Variants in GRIN2B observed in about 807,000 individuals in gnomAD.
GRIN2B encodes glutamate ionotropic receptor NMDA type subunit 2B, also known as glutamate receptor ionotropic, NMDA 2B.
In GRIN2B, 5 loss-of-function variants were observed where a neutral mutation model predicts 114.5. The observed-to-expected ratio is 0.04, with a 90% CI of 0.02 to 0.09. The LOEUF (loss-of-function observed/expected upper bound fraction) is 0.09, where lower values mean the gene tolerates loss of function less well. GRIN2B is among the 10% of genes least tolerant of loss of function. The pLI is 1.00. For missense variants in GRIN2B, 1,108 were observed against 1,943.5 expected, an observed-to-expected ratio of 0.57 and a Z score of 8.08; for synonymous variants, 787 against 745.1, an observed-to-expected ratio of 1.06 and a Z score of -0.92.
chr12:13,771,749 G>A (rs73053655), intron 3 of GRIN2B, among the ~76,000 whole-genome samples: 15,414 of 152,256 alleles, frequency 0.1, 1,015 homozygotes, highest in Non-Finnish European at 0.15. Context: ...AAGAATATAC[G>A]TGAGGATGCG....
At chr12:13,723,132 CT>C (rs5796556) in intron 4 of GRIN2B, among the ~76,000 whole-genome samples, 46,688 of 147,970 alleles carry the variant, frequency 0.32, 8,082 homozygotes, top group East Asian at 0.6. Flanking sequence ...ATGCTTACAC[CT>C]TTTTTTTTTG....
intron 4 of GRIN2B, among the ~76,000 whole-genome samples, chr12:13,713,242 A>C (rs1022363194): frequency 6.6e-6 from 1 of 151,828 alleles, no homozygotes; most frequent in Non-Finnish European, 1.5e-5. Context: ...GGTCCACTTG[A>C]TGCTCTCCTT....
intron 2 of GRIN2B, among the ~76,000 whole-genome samples, chr12:13,962,409 T>C (rs1209505214): frequency 1.3e-5 from 2 of 152,236 alleles, no homozygotes; most frequent in East Asian, 3.8e-4. Context: ...CCTGCAGTTA[T>C]TCAATTCAGA....
At chr12:13,923,183 C>T (rs2136814843) in intron 2 of GRIN2B, among the ~76,000 whole-genome samples, 1 of 152,138 alleles carries the variant, frequency 6.6e-6, no homozygotes, top group South Asian at 2.1e-4. Context: ...CTAGGGTATG[C>T]ATTCTGTTTA....
intron 10 of GRIN2B, among the ~76,000 whole-genome samples, chr12:13,586,523 G>C (rs1347792551): frequency 6.6e-6 from 1 of 152,166 alleles, no homozygotes; most frequent in Non-Finnish European, 1.5e-5. Flanking sequence ...TGCATACAAG[G>C]AGGGGACTCC....
chr12:13,710,257 C>T (rs1440248565), intron 4 of GRIN2B, among the ~76,000 whole-genome samples: 1 of 151,980 alleles, frequency 6.6e-6, no homozygotes, highest in African/African-American at 2.4e-5. Flanking sequence ...CTATGACAAA[C>T]CCACAGCCAA....
intron 12 of GRIN2B, among the ~76,000 whole-genome samples, chr12:13,569,455 A>G (rs1948679741): frequency 6.6e-6 from 1 of 152,190 alleles, no homozygotes; most frequent in Non-Finnish European, 1.5e-5. Context: ...AACATGAATC[A>G]GAGGTCAGGG....
chr12:13,928,718 C>T (rs572271548), intron 2 of GRIN2B, among the ~76,000 whole-genome samples: 1 of 152,188 alleles, frequency 6.6e-6, no homozygotes. Flanking sequence ...AGGTATTCAA[C>T]TTTTATCTTG....
In GRIN2B at chr12:13,931,346, C is replaced by A. The variant is rs141037016; in HGVS notation, c.-19+48582G>T. On this transcript the variant is annotated intron_variant, in intron 2 of 13. Transcript: ENST00000609686. ...TGTCATCTGCATTCAACAATGTTGA[C>A]TACCCTCTTATTTGTGAAATGATTC... is the stretch of plus-strand genomic sequence containing the variant. Among the ~76,000 whole-genome samples, 1,076 of 152,306 alleles carry A rather than the reference C, an allele frequency of 7.1e-3. 16 individuals are homozygous for A. The highest frequency in any genetic ancestry group is 0.024 in the African/African-American group (1,011 of 41,554).
chr12:13,837,645 C>T (rs912169232), intron 3 of GRIN2B, among the ~76,000 whole-genome samples: 5 of 152,118 alleles, frequency 3.3e-5, no homozygotes, highest in African/African-American at 4.8e-5. Flanking sequence ...GCCAGCAAAA[C>T]CAATTTTGAC....
intron 4 of GRIN2B, among the ~76,000 whole-genome samples, chr12:13,714,542 CAG>C (rs1238886492): frequency 1.3e-5 from 2 of 151,862 alleles, no homozygotes; most frequent in African/African-American, 4.8e-5. Flanking sequence ...CCCCATCCCA[CAG>C]AGTCTTGCTG....
At chr12:13,737,154 G>T (rs1014784783) in intron 4 of GRIN2B, among the ~76,000 whole-genome samples, 1 of 151,796 alleles carries the variant, frequency 6.6e-6, no homozygotes, top group Non-Finnish European at 1.5e-5. Flanking sequence ...ATAGTTATTA[G>T]TTCTTCCCTC....
At chr12:13,782,765 A>G (rs1037580071) in intron 3 of GRIN2B, among the ~76,000 whole-genome samples, 1 of 152,132 alleles carries the variant, frequency 6.6e-6, no homozygotes, top group African/African-American at 2.4e-5. Context: ...GCTCACCCAC[A>G]TATTTTTATC....
chr12:13,707,360 GAGA>G (rs1175905726), intron 4 of GRIN2B, among the ~76,000 whole-genome samples: 1 of 152,100 alleles, frequency 6.6e-6, no homozygotes, highest in African/African-American at 2.4e-5. Context: ...TGTGACTCAG[GAGA>G]AGAAGCCTCT....
Position 13,709,633 on chromosome 12 carries a change from C to T in GRIN2B, c.1011-33774G>A, listed in dbSNP as rs1285366966. ...AAGTATAGCTGAGCAGTACCTTCTC[C>T]TTGAGGCTCTAAGTACTGCACCAGA... On this transcript the variant is annotated intron_variant, in intron 4 of 13. Coordinates refer to ENST00000609686, the MANE Select transcript of GRIN2B (RefSeq NM_000834.5). Among the ~76,000 whole-genome samples, 3 of 151,942 alleles carry T rather than the reference C, an allele frequency of 2.0e-5. No homozygotes were observed. The East Asian group carries it at 5.8e-4, about 29-fold the overall frequency.
chr12:13,886,867 C>T (rs1866168197), intron 2 of GRIN2B, among the ~76,000 whole-genome samples: 1 of 152,208 alleles, frequency 6.6e-6, no homozygotes, highest in African/African-American at 2.4e-5. Flanking sequence ...GTACTCATGT[C>T]ACATGCACAC....
chr12:13,710,880 T>G (rs1207900871), intron 4 of GRIN2B, among the ~76,000 whole-genome samples: 1 of 152,064 alleles, frequency 6.6e-6, no homozygotes, highest in African/African-American at 2.4e-5. Flanking sequence ...AAAACTACTT[T>G]AAAGTTCATA....
chr12:13,561,117 C>G lies in GRIN2B; in HGVS notation c.*1666G>C, dbSNP rs1296335671. The G allele has an allele frequency of 2.0e-5, 3 of 152,142 alleles. No homozygotes were observed. Among genetic ancestry groups the G allele is most frequent in the African/African-American group, 4.8e-5 (2 of 41,432 alleles). 9.4% of individuals were successfully genotyped at this position (152,142 alleles called of 1,614,324 possible). ...ACCGGCAGTGATACATATTCATTTC[C>G]CTTCTCAATTTTCCAATGTTAAGTG... On this transcript the variant is annotated 3_prime_UTR_variant, in exon 14 of 14. Transcript: ENST00000609686.
chr12:13,979,089 A>G (rs997116856), intron 2 of GRIN2B, among the ~76,000 whole-genome samples: 4 of 152,194 alleles, frequency 2.6e-5, no homozygotes, highest in African/African-American at 4.8e-5. Flanking sequence ...ACTCTGCAAG[A>G]TAGCCATTTT....
Sources: gnomAD v4.1 joint callset for allele counts (sites outside exome capture counted in the v4.1 genomes callset) on GRCh38, gnomAD v4.1.1 for gene constraint, MANE v1.5 for transcripts, NCBI Gene and HGNC (gene_info 2026-07-23, HGNC 2026-07-21) for gene names.